The following SLC2A9 variants were observed in gnomAD, a reference collection of about 807,000 sequenced individuals.
SLC2A9 encodes solute carrier family 2, facilitated glucose transporter member 9.
Under a neutral mutation model 50.6 loss-of-function variants are expected in SLC2A9, and 39 were observed. That is an observed-to-expected ratio of 0.77 (90% CI 0.60 to 1.01). The LOEUF (loss-of-function observed/expected upper bound fraction) is 1.01, where lower values mean the gene tolerates loss of function less well. Among genes scored for constraint, SLC2A9 ranks in the 50% least tolerant of loss-of-function variants. SLC2A9 has a pLI of 0.00. For missense variants in SLC2A9, 686 were observed against 677.6 expected (o/e 1.01, Z -0.14); for synonymous variants, 324 against 276.9 (o/e 1.17, Z -1.69).
intron 3 of SLC2A9, among the ~76,000 whole-genome samples, chr4:9,820,585 T>A (rs1382611395): frequency 6.6e-6 from 1 of 152,222 alleles, no homozygotes; most frequent in Non-Finnish European, 1.5e-5. Flanking sequence ...AGTGTATCTT[T>A]CCATTTATTC....
At chr4:9,947,223 C>T (rs996040704) in intron 5 of SLC2A9, among the ~76,000 whole-genome samples, 9 of 152,144 alleles carry the variant, frequency 5.9e-5, no homozygotes, top group Non-Finnish European at 4.4e-5. Context: ...CTGGAGTGTC[C>T]CAACCTTGGG....
intron 3 of SLC2A9, among the ~76,000 whole-genome samples, chr4:9,800,397 T>C (rs1334648497): frequency 6.6e-6 from 1 of 152,204 alleles, no homozygotes; most frequent in Non-Finnish European, 1.5e-5. Flanking sequence ...TCTAATATGA[T>C]GGGTGTCCTT....
intron 8 of SLC2A9, among the ~76,000 whole-genome samples, chr4:9,901,672 GC>G (rs966615155): frequency 2.0e-5 from 3 of 151,234 alleles, no homozygotes; most frequent in South Asian, 4.2e-4. Context: ...CAAGCCCCAT[GC>G]CCCCCCACCA....
chr4:9,858,402 G>T (rs1486078279), intron 10 of SLC2A9, among the ~76,000 whole-genome samples: 1 of 152,180 alleles, frequency 6.6e-6, no homozygotes, highest in Non-Finnish European at 1.5e-5. Context: ...ACTTTATCAA[G>T]GCTGCTATGG....
chr4:9,941,871 A>G, intron 6 of SLC2A9, 42 bp downstream of exon 6: 1 of 1,612,770 alleles, frequency 6.2e-7, no homozygotes, highest in East Asian at 2.2e-5. Context: ...GTGATGATCT[A>G]TGCAGGGGCT....
intron 3 of SLC2A9, among the ~76,000 whole-genome samples, chr4:9,818,987 T>G (rs1390864684): frequency 6.6e-6 from 1 of 151,892 alleles, no homozygotes; most frequent in Non-Finnish European, 1.5e-5. Flanking sequence ...CCAGGTGTGG[T>G]GGCAGGTGCC....
chr4:9,795,121 C>A (rs7698519), downstream of SLC2A9, among the ~76,000 whole-genome samples: 1,472 of 148,046 alleles, frequency 9.9e-3, 27 homozygotes, highest in African/African-American at 0.035. Context: ...AAGCAATTCT[C>A]CTGCCTCAGC....
chr4:9,822,081 T>C (rs1402936004), downstream of SLC2A9, among the ~76,000 whole-genome samples: 1 of 152,218 alleles, frequency 6.6e-6, no homozygotes, highest in African/African-American at 2.4e-5. Flanking sequence ...ATTGCCTCTT[T>C]CATTACTGCT....
At chr4:9,836,320 A>T (rs1340194194) in intron 10 of SLC2A9, among the ~76,000 whole-genome samples, 1 of 152,128 alleles carries the variant, frequency 6.6e-6, no homozygotes, top group Non-Finnish European at 1.5e-5. Context: ...TAAAAATAAA[A>T]AAGGGGAGTG....
At chr4:9,918,925 A>AT (rs528118498) in intron 7 of SLC2A9, among the ~76,000 whole-genome samples, 27 of 152,164 alleles carry the variant, frequency 1.8e-4, no homozygotes, top group African/African-American at 6.0e-4. Flanking sequence ...AGCAGCTGAG[A>AT]TTTTTTTTCA....
At chr4:9,785,405 A>G (rs1719091733) in intron 3 of SLC2A9, among the ~76,000 whole-genome samples, 1 of 152,240 alleles carries the variant, frequency 6.6e-6, no homozygotes, top group Non-Finnish European at 1.5e-5. Context: ...ATTCTGTATC[A>G]TTTCCCAATG....
At chr4:9,913,951 CTATT>C (rs930277587) in intron 7 of SLC2A9, among the ~76,000 whole-genome samples, 26 of 152,216 alleles carry the variant, frequency 1.7e-4, no homozygotes, top group African/African-American at 5.5e-4. Context: ...GGGGGCTTAT[CTATT>C]GTAAATCCCC....
At chr4:9,811,301 T>A (rs1229654613) in intron 3 of SLC2A9, among the ~76,000 whole-genome samples, 2 of 152,240 alleles carry the variant, frequency 1.3e-5, no homozygotes, top group Non-Finnish European at 2.9e-5. Flanking sequence ...GCAGCTGAAT[T>A]CTACTTCCCC....
chr4:10,037,524 T>C (rs1452836416), intron 1 of SLC2A9, among the ~76,000 whole-genome samples: 1 of 152,132 alleles, frequency 6.6e-6, no homozygotes. Context: ...GAGGCAGTTG[T>C]CTGGGAATCA....
Position 9,894,040 on chromosome 4 carries a change from G to T in SLC2A9, c.1114-3329C>A, listed in dbSNP as rs562266493. 1.6e-4 allele frequency among the ~76,000 whole-genome samples: 24 copies of T among 152,232 alleles called. No individual in the cohort carries two copies. The East Asian group carries it at 4.4e-3, about 28-fold the overall frequency. On this transcript the variant is annotated intron_variant, in intron 8 of 11. Coordinates refer to ENST00000264784, the MANE Select transcript of SLC2A9 (RefSeq NM_020041.3). ...GGATAGATGCTGTTTTACACCAAGG[G>T]GCAGTTGCAAACGTCCACACCCTTG...
chr4:9,847,140 C>T (rs967912137), intron 10 of SLC2A9, among the ~76,000 whole-genome samples: 1 of 152,154 alleles, frequency 6.6e-6, no homozygotes, highest in Non-Finnish European at 1.5e-5. Flanking sequence ...TGTATTAGTC[C>T]GTTTTCACAC....
chr4:9,879,706 A>G (rs1055359837), intron 10 of SLC2A9: 1 of 984,956 alleles, frequency 1.0e-6, no homozygotes, highest in African/African-American at 1.8e-5. Context: ...TTAAACACAA[A>G]CTCCCCATAG....
At chr4:9,976,404 A>C (rs1421571713) in intron 5 of SLC2A9, among the ~76,000 whole-genome samples, 1 of 152,166 alleles carries the variant, frequency 6.6e-6, no homozygotes. Context: ...TAAATGGGAA[A>C]TATGATTAAA....
chr4:9,943,405 G>A (rs1368227480), intron 5 of SLC2A9, among the ~76,000 whole-genome samples: 1 of 152,176 alleles, frequency 6.6e-6, no homozygotes, highest in African/African-American at 2.4e-5. Flanking sequence ...TGAGGAACTG[G>A]CAAGGCCAAT....
Sources: gnomAD v4.1 joint callset for allele counts (sites outside exome capture counted in the v4.1 genomes callset) on GRCh38, gnomAD v4.1.1 for gene constraint, MANE v1.5 for transcripts, NCBI Gene and HGNC (gene_info 2026-07-23, HGNC 2026-07-21) for gene names.